Variants in MYCT1 observed in about 807,000 individuals in gnomAD.
The protein encoded by MYCT1 is MYC target 1.
MYCT1 carries 12 observed loss-of-function variants against 15.0 expected under a neutral mutation model. That is an observed-to-expected ratio of 0.80 (90% CI 0.51 to 1.29). MYCT1 has a LOEUF of 1.29. Ranked by LOEUF, MYCT1 falls within the 50% of genes most tolerant of loss-of-function variation. The pLI, the probability that MYCT1 is intolerant of heterozygous loss-of-function variation, is 0.00. For missense variants in MYCT1, 287 were observed against 279.1 expected, an observed-to-expected ratio of 1.03 and a Z score of -0.20; for synonymous variants, 104 against 102.7, an observed-to-expected ratio of 1.01 and a Z score of -0.07.
At chr6:152,705,994 C>T (rs770776277) in intron 1 of MYCT1, 4 of 821,706 alleles carry the variant, frequency 4.9e-6, no homozygotes, top group African/African-American at 3.4e-5. Context: ...GCTGCTTTAT[C>T]GGATGCTGCT....
intron 1 of MYCT1, among the ~76,000 whole-genome samples, chr6:152,713,714 T>C (rs1420847347): frequency 6.6e-6 from 1 of 152,172 alleles, no homozygotes; most frequent in Non-Finnish European, 1.5e-5. Flanking sequence ...GAAATGTTTA[T>C]AAATAAAATT....
intron 1 of MYCT1, among the ~76,000 whole-genome samples, chr6:152,716,037 C>T (rs189063509): frequency 1.1e-4 from 16 of 152,236 alleles, no homozygotes; most frequent in Admixed American, 9.8e-4. Context: ...CTGCATTGAG[C>T]ACATTGTTGG....
chr6:152,746,916 C>T, the MYCT1 span, among the ~76,000 whole-genome samples: 1 of 152,134 alleles, frequency 6.6e-6, no homozygotes, highest in Non-Finnish European at 1.5e-5. Context: ...AGAAGTTGTC[C>T]TCGATCATAT....
chr6:152,725,292 A>G (rs995168709), downstream of MYCT1, among the ~76,000 whole-genome samples: 13 of 152,228 alleles, frequency 8.5e-5, no homozygotes, highest in African/African-American at 3.1e-4. Context: ...ACTCAGTTGT[A>G]AATAGATAAA....
intron 1 of MYCT1, chr6:152,705,669 A>G (rs1282556): frequency 0.72 from 128,758 of 179,566 alleles, 47,290 homozygotes; most frequent in East Asian, 0.98. Flanking sequence ...AGTAGAAACT[A>G]TATTTTGAAT....
chr6:152,733,644 C>A, the MYCT1 span, among the ~76,000 whole-genome samples: 7 of 152,144 alleles, frequency 4.6e-5, no homozygotes, highest in African/African-American at 1.7e-4. Context: ...AGGCATGGAG[C>A]TTTTTAAAGA....
At chr6:152,740,614 G>A in the MYCT1 span, among the ~76,000 whole-genome samples, 1 of 152,170 alleles carries the variant, frequency 6.6e-6, no homozygotes, top group Non-Finnish European at 1.5e-5. Flanking sequence ...TGCATAATTA[G>A]TTGACACCAT....
intron 1 of MYCT1, among the ~76,000 whole-genome samples, chr6:152,718,565 A>G (rs768211400): frequency 1.2e-4 from 19 of 152,154 alleles, no homozygotes; most frequent in Non-Finnish European, 2.1e-4. Context: ...ATAATAGACA[A>G]GAAATTATTT....
At chr6:152,726,313 C>G (rs749622958), downstream of MYCT1, among the ~76,000 whole-genome samples, 127 of 150,750 alleles carry the variant, frequency 8.4e-4, no homozygotes, top group Non-Finnish European at 1.3e-3. Context: ...AGGAGAATCG[C>G]TTGAACCTGG....
At chr6:152,730,405 T>C in the MYCT1 span, among the ~76,000 whole-genome samples, 1 of 152,242 alleles carries the variant, frequency 6.6e-6, no homozygotes, top group Non-Finnish European at 1.5e-5. Context: ...AGATAGCCAC[T>C]GGAACAAGAT....
At chr6:152,738,755 G>T in the MYCT1 span, among the ~76,000 whole-genome samples, 3 of 152,082 alleles carry the variant, frequency 2.0e-5, no homozygotes, top group African/African-American at 7.2e-5. Context: ...GCTACCATTT[G>T]TTGAGTATTC....
Position 152,722,829 on chromosome 6 carries a change from C to T in MYCT1, c.*576C>T. 3.0e-6 allele frequency: 1 copy of T among 328,152 alleles called. No individual in the cohort carries two copies. The highest frequency in any genetic ancestry group is 6.0e-6 in the Non-Finnish European group (1 of 165,456). The allele number at this position is 328,152 out of a possible 1,614,324, so 20.3% of individuals were successfully genotyped here. A position where few individuals can be genotyped will look rare whatever the true frequency, so the allele number is the denominator to read the frequency against. On this transcript the variant is annotated 3_prime_UTR_variant, in exon 2 of 2. Transcript: ENST00000367245. ...TCAGGACTCACTGCAGCCTCTATCT[C>T]CCAGGCTCAAGTAATCCTCCCATCT... is the stretch of plus-strand genomic sequence containing the variant.
chr6:152,738,175 G>A, the MYCT1 span, among the ~76,000 whole-genome samples: 8 of 152,028 alleles, frequency 5.3e-5, no homozygotes, highest in Non-Finnish European at 1.0e-4. Context: ...AAAATGTCTG[G>A]CTAAATGTCA....
chr6:152,731,779 T>C, the MYCT1 span, among the ~76,000 whole-genome samples: 1 of 147,378 alleles, frequency 6.8e-6, no homozygotes, highest in African/African-American at 2.5e-5. Flanking sequence ...ACCGGGTATC[T>C]CCATGTTGTC....
chr6:152,707,131 A>G (rs2099722426), intron 1 of MYCT1, among the ~76,000 whole-genome samples: 1 of 152,080 alleles, frequency 6.6e-6, no homozygotes, highest in African/African-American at 2.4e-5. Flanking sequence ...TCAACACTGT[A>G]CAGTTTCCTT....
At chr6:152,737,474 G>A in the MYCT1 span, among the ~76,000 whole-genome samples, 7 of 151,992 alleles carry the variant, frequency 4.6e-5, no homozygotes, top group Admixed American at 3.3e-4. Context: ...GTATTTATGT[G>A]GTGGAGCTGG....
intron 1 of MYCT1, among the ~76,000 whole-genome samples, chr6:152,705,250 A>G (rs2099722060): frequency 6.6e-6 from 1 of 152,220 alleles, no homozygotes; most frequent in African/African-American, 2.4e-5. Context: ...ACATTAGCCT[A>G]CAGTTGAGCA....
rs1270951341 is a variant in MYCT1 at position 152,724,383 on chromosome 6, G to T, written c.*2130G>T. On this transcript the variant is annotated 3_prime_UTR_variant, in exon 2 of 2. Transcript: ENST00000367245. Reference sequence around the variant, plus strand: ...GAAGAGAAGAGCAGAAATCCTCTGGGGCATTTAACCATCTGGCAGAATTGT... The same window carrying T: ...GAAGAGAAGAGCAGAAATCCTCTGGTGCATTTAACCATCTGGCAGAATTGT... The T allele has an allele frequency of 1.3e-5, 2 of 151,872 alleles. No homozygotes were observed. The highest frequency in any genetic ancestry group is 4.8e-5 in the African/African-American group (2 of 41,358). The allele number at this position is 151,872 out of a possible 1,614,324, so 9.4% of individuals were successfully genotyped here. A position where few individuals can be genotyped will look rare whatever the true frequency, so the allele number is the denominator to read the frequency against.
At chr6:152,718,672 AT>A in intron 1 of MYCT1, among the ~76,000 whole-genome samples, 1 of 152,014 alleles carries the variant, frequency 6.6e-6, no homozygotes, top group Non-Finnish European at 1.5e-5. Context: ...GGAATATCTG[AT>A]TTGTCAGAAG....
Sources: allele counts gnomAD v4.1 joint callset (sites outside exome capture counted in the v4.1 genomes callset), GRCh38; gene constraint gnomAD v4.1.1; transcripts MANE v1.5; gene names NCBI Gene and HGNC (gene_info 2026-07-23, HGNC 2026-07-21).